Variants in ANKRD27 observed in about 807,000 individuals in gnomAD.
ANKRD27 encodes ankyrin repeat domain-containing protein 27.
ANKRD27 carries 112 observed loss-of-function variants against 129.7 expected under a neutral mutation model. That is an observed-to-expected ratio of 0.86 (90% CI 0.74 to 1.01). The LOEUF (loss-of-function observed/expected upper bound fraction) is 1.01, where lower values mean the gene tolerates loss of function less well. Ranked by LOEUF, ANKRD27 falls within the 50% of genes least tolerant of loss-of-function variation. ANKRD27 has a pLI of 0.00. For missense variants in ANKRD27, 1,258 were observed against 1,300.5 expected, an observed-to-expected ratio of 0.97 and a Z score of 0.50; for synonymous variants, 516 against 511.2, an observed-to-expected ratio of 1.01 and a Z score of -0.13.
At chr19:32,611,981 C>T (rs1224905905) in intron 22 of ANKRD27, among the ~76,000 whole-genome samples, 1 of 152,066 alleles carries the variant, frequency 6.6e-6, no homozygotes, top group African/African-American at 2.4e-5. Flanking sequence ...TCAAGTGATC[C>T]TCTAACCTCG....
chr19:32,599,631 G>A, intron 28 of ANKRD27, 73 bp downstream of exon 28: 29 of 1,375,524 alleles, frequency 2.1e-5, no homozygotes, highest in Non-Finnish European at 2.8e-5. Flanking sequence ...AAGGAGACGT[G>A]TTTACCATGG....
intron 12 of ANKRD27, among the ~76,000 whole-genome samples, chr19:32,634,771 C>T (rs1016763953): frequency 2.0e-5 from 3 of 152,012 alleles, no homozygotes; most frequent in East Asian, 1.9e-4. Flanking sequence ...AAAAATTAGC[C>T]GTGCGTAGTG....
chr19:32,630,688 C>T (rs1368621718), intron 13 of ANKRD27, among the ~76,000 whole-genome samples: 1 of 152,168 alleles, frequency 6.6e-6, no homozygotes, highest in Non-Finnish European at 1.5e-5. Context: ...TGGAGTGCAA[C>T]GGCACAATCA....
chr19:32,645,239 C>CTT (rs1967279207), intron 4 of ANKRD27, among the ~76,000 whole-genome samples: 1 of 151,948 alleles, frequency 6.6e-6, no homozygotes, highest in Non-Finnish European at 1.5e-5. Flanking sequence ...TGGTGAAACC[C>CTT]TGTCTCTACT....
intron 22 of ANKRD27, among the ~76,000 whole-genome samples, chr19:32,613,884 A>G (rs391154): frequency 0.18 from 26,941 of 151,786 alleles, 2,890 homozygotes; most frequent in African/African-American, 0.3. Flanking sequence ...AATTTTTTGT[A>G]TATTTAGTAG....
chr19:32,624,225 G>A (rs1460357705), intron 17 of ANKRD27, among the ~76,000 whole-genome samples: 1 of 152,104 alleles, frequency 6.6e-6, no homozygotes, highest in Non-Finnish European at 1.5e-5. Context: ...AAATTAGCTG[G>A]ATGTGGTGGT....
chr19:32,625,846 C>A (rs753270532), intron 17 of ANKRD27, 28 bp downstream of exon 17: 1 of 1,481,828 alleles, frequency 6.7e-7, no homozygotes. Context: ...GTGAACGCAG[C>A]CCCCCCGGAA....
At chr19:32,609,041 T>A (rs569340243) in intron 22 of ANKRD27, among the ~76,000 whole-genome samples, 1 of 151,782 alleles carries the variant, frequency 6.6e-6, no homozygotes, top group Non-Finnish European at 1.5e-5. Flanking sequence ...CTGATTTTTG[T>A]ATTTGTAGTA....
intron 18 of ANKRD27, among the ~76,000 whole-genome samples, chr19:32,620,982 T>A (rs8109518): frequency 0.083 from 12,653 of 151,818 alleles, 1,747 homozygotes; most frequent in African/African-American, 0.29. Flanking sequence ...GTTTCATGGA[T>A]GTCCACTCTT....
At chr19:32,658,869 G>T in intron 2 of ANKRD27, 45 bp downstream of exon 2, 1 of 1,472,912 alleles carries the variant, frequency 6.8e-7, no homozygotes, top group Non-Finnish European at 9.5e-7. Context: ...CACGTCTCTG[G>T]AACCATTCAT....
At chr19:32,628,039 C>T in intron 15 of ANKRD27, 44 bp downstream of exon 15, 3 of 1,580,342 alleles carry the variant, frequency 1.9e-6, no homozygotes, top group Non-Finnish European at 2.6e-6. Context: ...GGGCACCATC[C>T]CTTTGCTGTG....
In ANKRD27 at chr19:32,642,073, G is replaced by C. The variant is rs757830994; in HGVS notation, c.855C>G (p.Val285=). The C allele has an allele frequency of 1.2e-6, 2 of 1,611,332 alleles. No homozygotes were observed. The highest frequency in any genetic ancestry group is 4.5e-5 in the East Asian group (2 of 44,802). ...NKCTSPQQKL[V]CLRKVVQLIT... Reference sequence around the variant, plus strand: ...TGAGCTGCACCACTTTTCGCAAGCAGACAAGCTTCTGCTGTGGGGAGGTGC... The same window carrying C: ...TGAGCTGCACCACTTTTCGCAAGCACACAAGCTTCTGCTGTGGGGAGGTGC... The change falls in exon 10 of 29, where the codon GTC becomes GTG. Residue 285 remains valine (V), a synonymous_variant. Coordinates refer to ENST00000306065, the MANE Select transcript of ANKRD27 (RefSeq NM_032139.3).
At chr19:32,600,689 G>C (rs966059141) in intron 26 of ANKRD27, among the ~76,000 whole-genome samples, 1 of 152,022 alleles carries the variant, frequency 6.6e-6, no homozygotes, top group African/African-American at 2.4e-5. Flanking sequence ...TTTGAGATAG[G>C]GGGTAGTCAG....
intron 22 of ANKRD27, among the ~76,000 whole-genome samples, chr19:32,614,303 C>G (rs1399901823): frequency 6.6e-6 from 1 of 152,008 alleles, no homozygotes; most frequent in Non-Finnish European, 1.5e-5. Context: ...TTCTAAAACA[C>G]TGGGCTAGAA....
intron 18 of ANKRD27, among the ~76,000 whole-genome samples, chr19:32,621,444 T>C (rs1972008507): frequency 6.6e-6 from 1 of 152,136 alleles, no homozygotes; most frequent in Non-Finnish European, 1.5e-5. Flanking sequence ...CTAGCCAACA[T>C]GGTGAAACCC....
At chr19:32,652,037 G>A (rs573802220) in intron 2 of ANKRD27, among the ~76,000 whole-genome samples, 1 of 152,198 alleles carries the variant, frequency 6.6e-6, no homozygotes, top group Non-Finnish European at 1.5e-5. Context: ...CAGCAATCCT[G>A]CTGAGACCGG....
intron 13 of ANKRD27, among the ~76,000 whole-genome samples, chr19:32,629,203 G>A (rs577764840): frequency 3.6e-4 from 55 of 152,286 alleles, no homozygotes; most frequent in South Asian, 2.3e-3. Context: ...TTACAGGCGT[G>A]AGCCACCAAA....
At chr19:32,627,415 T>G (rs1262485888) in intron 15 of ANKRD27, among the ~76,000 whole-genome samples, 2 of 132,068 alleles carry the variant, frequency 1.5e-5, no homozygotes, top group Admixed American at 1.7e-4. Context: ...TATTTATTTT[T>G]TGAGACAGAG....
At chr19:32,624,156 C>T (rs1263795988) in intron 17 of ANKRD27, among the ~76,000 whole-genome samples, 1 of 151,976 alleles carries the variant, frequency 6.6e-6, no homozygotes, top group African/African-American at 2.4e-5. Context: ...CACTTGAGGT[C>T]AGGAGTTCAA....
Sources: allele counts gnomAD v4.1 joint callset (sites outside exome capture counted in the v4.1 genomes callset), GRCh38; gene constraint gnomAD v4.1.1; transcripts MANE v1.5; gene names NCBI Gene and HGNC (gene_info 2026-07-23, HGNC 2026-07-21).